ADAMTS18: variants seen among roughly 807,000 people sequenced by gnomAD.
The protein encoded by ADAMTS18 is ADAM metallopeptidase with thrombospondin type 1 motif 18, also known as A disintegrin and metalloproteinase with thrombospondin motifs 18.
ADAMTS18 carries 157 observed loss-of-function variants against 165.9 expected under a neutral mutation model. The observed-to-expected ratio is 0.95, with a 90% CI of 0.83 to 1.08. The LOEUF (loss-of-function observed/expected upper bound fraction) is 1.08. Among genes scored for constraint, ADAMTS18 ranks in the 50% least tolerant of loss-of-function variants. ADAMTS18 has a pLI of 0.00. For missense variants in ADAMTS18, 2,040 were observed against 1,534.0 expected, an observed-to-expected ratio of 1.33 and a Z score of -5.51; for synonymous variants, 782 against 578.2, an observed-to-expected ratio of 1.35 and a Z score of -5.06.
At position 77,321,181 on chromosome 16, in the gene ADAMTS18, G is replaced by C. The variant is rs2144640256; in HGVS notation, c.2185C>G (p.Leu729Val). The change falls in exon 15 of 23, where the codon CTA (leucine) becomes GTA (valine). Residue 729 changes from leucine to valine, a missense_variant. By Grantham distance (32) the Leu-to-Val change is conservative. Transcript: ENST00000282849. ...GCATCTGAAACTGCTTTAGAGCCTA[G>C]TTCATGATCACATCCCACTAGCTGT... is the stretch of plus-strand genomic sequence containing the variant. Reference protein sequence around the residue: ...VCELVGCDHELGSKAVSDACG... With the variant: ...VCELVGCDHEVGSKAVSDACG... The C allele has an allele frequency of 6.2e-7, 1 of 1,614,184 alleles. No individual in the cohort carries two copies. The highest frequency in any genetic ancestry group is 8.5e-7 in the Non-Finnish European group (1 of 1,180,020).
intron 12 of ADAMTS18, among the ~76,000 whole-genome samples, chr16:77,331,565 A>C (rs1020259702): frequency 6.6e-6 from 1 of 152,140 alleles, no homozygotes; most frequent in Non-Finnish European, 1.5e-5. Context: ...ATATTCAGTC[A>C]CTGGGCCTGA....
chr16:77,316,393 T>G (rs1200865287), intron 16 of ADAMTS18, among the ~76,000 whole-genome samples: 1 of 152,072 alleles, frequency 6.6e-6, no homozygotes, highest in East Asian at 1.9e-4. Context: ...TAGCTGGGAC[T>G]ATAGGCATGC....
In ADAMTS18 at chr16:77,307,668, C is replaced by A. The variant is rs145979835; in HGVS notation, c.2533-7264G>T. ...AGTACCTCTGAATCGTCCTCTCGAG[C>A]CTGACTATTCTATCATCTGTTCTGA... On this transcript the variant is annotated intron_variant, in intron 16 of 22. Transcript: ENST00000282849. 2.6e-4 allele frequency among the ~76,000 whole-genome samples: 40 copies of A among 152,322 alleles called. 1 individual carries two copies. In the East Asian group the frequency reaches 7.5e-3, roughly 29 times the overall value.
chr16:77,287,573 G>A (rs570146414), intron 22 of ADAMTS18, among the ~76,000 whole-genome samples: 13 of 152,152 alleles, frequency 8.5e-5, no homozygotes, highest in Middle Eastern at 3.4e-3. Flanking sequence ...CACCTCCTGG[G>A]TTCAAGAGAT....
rs1018687209 is a variant in ADAMTS18 at position 77,356,058 on chromosome 16, C to T, written c.1342G>A (p.Gly448Arg). ...GCCTTTCTGCAGGGATTCCCTTCTC[C>T]ATCGTGAATCATACCAAAGCTGAAA... is the stretch of plus-strand genomic sequence containing the variant. ...SGHNFGMIHD[G>R]EGNPCRKAEG... Residue 448 changes from glycine (G) to arginine (R), a missense_variant, in exon 9 of 23, where the codon GGA becomes AGA. Transcript: ENST00000282849. 4.3e-6 allele frequency: 7 copies of T among 1,613,848 alleles called. No individual in the cohort carries two copies. Among genetic ancestry groups the T allele is most frequent in the Admixed American group, 1.7e-5 (1 of 59,974 alleles).
intron 3 of ADAMTS18, among the ~76,000 whole-genome samples, chr16:77,396,832 A>C (rs2057263988): frequency 1.3e-5 from 2 of 149,904 alleles, no homozygotes; most frequent in South Asian, 4.2e-4. Context: ...TTTGAGACAC[A>C]GTCTCACCCT....
At position 77,409,383 on chromosome 16, in the gene ADAMTS18, G is replaced by C. The variant is rs533104883; in HGVS notation, c.495+21912C>G. Among the ~76,000 whole-genome samples, 20 of 152,248 alleles carry C rather than the reference G, an allele frequency of 1.3e-4. 1 individual carries two copies. The highest frequency in any genetic ancestry group is 4.8e-4 in the African/African-American group (20 of 41,550). On this transcript the variant is annotated intron_variant, in intron 3 of 22. Transcript: ENST00000282849. ...TACGAAACAGACACCGAAGAAAATA[G>C]AGATAAGAAACTGCATTAGTGTCAA...
chr16:77,294,458 C>T (rs1396759563), intron 19 of ADAMTS18, among the ~76,000 whole-genome samples: 1 of 152,076 alleles, frequency 6.6e-6, no homozygotes, highest in East Asian at 1.9e-4. Flanking sequence ...TCCCTTCTAA[C>T]TTTAAAATTT....
rs1307191689 is a variant in ADAMTS18, at chr16:77,282,607, A to G, written c.*1349T>C. 6.5e-6 allele frequency: 1 copy of G among 152,672 alleles called. No homozygotes were observed. The highest frequency in any genetic ancestry group is 2.4e-5 in the African/African-American group (1 of 41,466). The allele number at this position is 152,672 out of a possible 1,614,324, so 9.5% of individuals were successfully genotyped here. A position where few individuals can be genotyped will look rare whatever the true frequency, so the allele number is the denominator to read the frequency against. The stretch of plus-strand genomic sequence containing the variant: ...TTTTAAAGAAGTAAAATTGGGTTAC[A>G]TTCATCAAAGAAGTTGAGGAATAAA... On this transcript the variant is annotated 3_prime_UTR_variant, in exon 23 of 23. Coordinates refer to ENST00000282849, the MANE Select transcript of ADAMTS18 (RefSeq NM_199355.4).
intron 3 of ADAMTS18, among the ~76,000 whole-genome samples, chr16:77,399,178 C>G (rs2057295844): frequency 1.3e-5 from 2 of 152,214 alleles, no homozygotes; most frequent in African/African-American, 4.8e-5. Flanking sequence ...GAGGCTATCT[C>G]AATCCCAGCC....
intron 3 of ADAMTS18, among the ~76,000 whole-genome samples, chr16:77,408,646 G>A (rs2057422225): frequency 6.6e-6 from 1 of 152,102 alleles, no homozygotes; most frequent in African/African-American, 2.4e-5. Context: ...TTCAAAAAAA[G>A]GCAAAACTAA....
chr16:77,425,725 T>C (rs2057662992), intron 3 of ADAMTS18, among the ~76,000 whole-genome samples: 1 of 151,998 alleles, frequency 6.6e-6, no homozygotes, highest in South Asian at 2.1e-4. Flanking sequence ...TGGTACAAGA[T>C]GTTGATGGAA....
chr16:77,395,042 T>C (rs1487080568), intron 3 of ADAMTS18, among the ~76,000 whole-genome samples: 1 of 152,310 alleles, frequency 6.6e-6, no homozygotes, highest in East Asian at 1.9e-4. Context: ...ATGGATGATC[T>C]TCCCTCAACA....
intron 10 of ADAMTS18, among the ~76,000 whole-genome samples, chr16:77,346,247 T>C (rs2115417): frequency 0.1 from 15,680 of 152,180 alleles, 1,792 homozygotes; most frequent in African/African-American, 0.28. Context: ...TACAACATCA[T>C]TGACTTATTT....
intron 13 of ADAMTS18, 139 bp from the exon 14 acceptor site, chr16:77,322,605 G>A: frequency 3.7e-6 from 4 of 1,068,458 alleles, no homozygotes; most frequent in Non-Finnish European, 5.5e-6. Flanking sequence ...GCACATATAA[G>A]CCCATATGAT....
At chr16:77,365,383 C>T (rs1402162063) in intron 4 of ADAMTS18, among the ~76,000 whole-genome samples, 1 of 152,148 alleles carries the variant, frequency 6.6e-6, no homozygotes, top group Non-Finnish European at 1.5e-5. Flanking sequence ...AAAATGTAAA[C>T]AGCTCTAAAA....
intron 10 of ADAMTS18, among the ~76,000 whole-genome samples, chr16:77,352,518 A>G (rs551227052): frequency 2.3e-4 from 35 of 152,152 alleles, no homozygotes; most frequent in Non-Finnish European, 4.3e-4. Flanking sequence ...TCTTCCTTGA[A>G]GGGTTTTTGT....
intron 3 of ADAMTS18, among the ~76,000 whole-genome samples, chr16:77,368,673 A>C (rs562237688): frequency 2.2e-4 from 33 of 152,134 alleles, no homozygotes; most frequent in African/African-American, 7.7e-4. Context: ...AGCCTCCTAA[A>C]GTGCTCAGAT....
chr16:77,303,482 C>G (rs1366175132), intron 16 of ADAMTS18, among the ~76,000 whole-genome samples: 1 of 152,194 alleles, frequency 6.6e-6, no homozygotes, highest in Non-Finnish European at 1.5e-5. Context: ...TTAGACTTCT[C>G]TTTTTCTGAC....
Sources: gnomAD v4.1 joint callset for allele counts (sites outside exome capture counted in the v4.1 genomes callset) on GRCh38, gnomAD v4.1.1 for gene constraint, MANE v1.5 for transcripts, NCBI Gene and HGNC (gene_info 2026-07-23, HGNC 2026-07-21) for gene names.